ZNF233: variants seen among roughly 807,000 people sequenced by gnomAD.
The protein encoded by ZNF233 is zinc finger protein 233.
ZNF233 carries 7 observed loss-of-function variants against 11.6 expected under a neutral mutation model. That is an observed-to-expected ratio of 0.60 (90% confidence interval 0.34 to 1.13). The LOEUF is 1.13. ZNF233 is among the 50% of genes most tolerant of loss of function. The probability of loss-of-function intolerance (pLI) is 0.03; values close to 1 mark genes in which losing one functional copy is unlikely to be tolerated. For synonymous variants in ZNF233, 226 were observed against 268.5 expected (o/e 0.84, Z 1.55); for missense variants, 711 against 785.5 (o/e 0.91, Z 1.13).
In ZNF233 at chr19:44,266,291, A is replaced by G; in HGVS notation, c.109A>G (p.Met37Val). The change falls in exon 3 of 5, where the codon ATG becomes GTG. Residue 37 changes from methionine (M) to valine (V), a missense_variant. By Grantham distance (21) the Met-to-Val change is conservative. Coordinates refer to ENST00000683810, the MANE Select transcript of ZNF233 (RefSeq NM_001207005.2). ...LAQRKLYQDV[M>V]LENFRNLLSV... The stretch of plus-strand genomic sequence containing the variant: ...CCAGAGAAAGCTGTACCAAGATGTG[A>G]TGCTGGAGAACTTCAGGAACCTGCT... 6.2e-7 allele frequency: 1 copy of G among 1,609,894 alleles called. No individual in the cohort carries two copies. The highest frequency in any genetic ancestry group is 8.5e-7 in the Non-Finnish European group (1 of 1,177,794).
Position 44,273,746 on chromosome 19 carries a change from T to C in ZNF233, c.1086T>C (p.Leu362=). The C allele has an allele frequency of 6.2e-7, 1 of 1,614,172 alleles. No homozygotes were observed. The highest frequency in any genetic ancestry group is 2.2e-5 in the East Asian group (1 of 44,880). Residue 362 remains leucine, a synonymous_variant, in exon 5 of 5, where the codon CTT becomes CTC. Coordinates refer to ENST00000683810, the MANE Select transcript of ZNF233 (RefSeq NM_001207005.2). ...ACTCCTGTCTTCCCTCTCATGAGCT[T>C]ACTCACCCAGGAGAGAAGTTGTGTA... The part of the protein sequence containing the change: ...NQNSCLPSHE[L]THPGEKLCTC...
In ZNF233 at chr19:44,274,446, G is replaced by C; in HGVS notation, c.1786G>C (p.Glu596Gln). Residue 596 changes from glutamate to glutamine, a missense_variant, in exon 5 of 5, where the codon GAA becomes CAA. By Grantham distance (29) the Glu-to-Gln change is conservative (BLOSUM62 2). Transcript: ENST00000683810. ...HTGEKPYKCE[E>Q]CRKGFIWNSY... Reference sequence around the variant, plus strand: ...AGGAGAGAAACCATACAAATGTGAAGAATGTAGGAAAGGCTTCATCTGGAA... The same window carrying C: ...AGGAGAGAAACCATACAAATGTGAACAATGTAGGAAAGGCTTCATCTGGAA... The C allele has an allele frequency of 6.2e-7, 1 of 1,614,118 alleles. No individual in the cohort carries two copies. The highest frequency in any genetic ancestry group is 8.5e-7 in the Non-Finnish European group (1 of 1,180,012).
At chr19:44,272,604 A>G (rs1410204496) in intron 4 of ZNF233, among the ~76,000 whole-genome samples, 1 of 151,928 alleles carries the variant, frequency 6.6e-6, no homozygotes, top group East Asian at 1.9e-4. Context: ...GCATGGTGGC[A>G]GGCGCCTGTA....
chr19:44,270,057 C>T (rs1449105090), intron 4 of ZNF233, among the ~76,000 whole-genome samples: 4 of 152,122 alleles, frequency 2.6e-5, no homozygotes, highest in African/African-American at 9.7e-5. Context: ...TCACTGTCTT[C>T]ACTTCTCATT....
At chr19:44,265,159 CCT>C (rs1385355779) in intron 2 of ZNF233, among the ~76,000 whole-genome samples, 1 of 151,994 alleles carries the variant, frequency 6.6e-6, no homozygotes, top group Non-Finnish European at 1.5e-5. Flanking sequence ...ACCCTTTCCC[CCT>C]GAGGCCCTAA....
At chr19:44,264,518 C>A in intron 2 of ZNF233, 143 bp downstream of exon 2, 1 of 720,252 alleles carries the variant, frequency 1.4e-6, no homozygotes, top group Non-Finnish European at 2.2e-6. Context: ...TCGATTGGTT[C>A]AATTTTTTGT....
chr19:44,265,782 T>C (rs140922197), intron 2 of ZNF233, among the ~76,000 whole-genome samples: 93 of 152,314 alleles, frequency 6.1e-4, no homozygotes, highest in African/African-American at 2.0e-3. Flanking sequence ...ATTTTTGCAA[T>C]TGCAAATTGT....
intron 2 of ZNF233, 181 bp from the exon 3 acceptor site, chr19:44,266,016 TG>T: frequency 2.2e-6 from 1 of 455,180 alleles, no homozygotes; most frequent in Non-Finnish European, 3.7e-6. Context: ...GATGTGACTG[TG>T]GAAAAGTAGT....
At chr19:44,266,821 A>T in intron 3 of ZNF233, 45 bp from the exon 4 acceptor site, 1 of 1,445,350 alleles carries the variant, frequency 6.9e-7, no homozygotes, top group Non-Finnish European at 9.6e-7. Context: ...AAAATTTTTG[A>T]CTATAATGCA....
rs149734187 is a variant in ZNF233 at position 44,271,573 on chromosome 19, G to A, written c.239-1326G>A. 9.7e-3 allele frequency among the ~76,000 whole-genome samples: 1,464 copies of A among 151,514 alleles called. 30 individuals carry two copies. Among genetic ancestry groups the A allele is most frequent in the African/African-American group, 0.034 (1,398 of 41,274 alleles). ...AGCCCAGGCTTGAGTGCAGTGGCAC[G>A]ATCTCCGCTCACTGCAAGCTCTGCC... is the stretch of plus-strand genomic sequence containing the variant. On this transcript the variant is annotated intron_variant, in intron 4 of 4. Transcript: ENST00000683810.
In ZNF233 at chr19:44,264,341, C is replaced by T. The variant is rs1246061898; in HGVS notation, c.-20C>T. On this transcript the variant is annotated 5_prime_UTR_variant, in exon 2 of 5. Transcript: ENST00000683810. Reference sequence around the variant, plus strand: ...CTGCCTTCCCAGGACCCTGCCCTTCCCCAGAAGGAGCAGGAGAAAATGACC... The same window carrying T: ...CTGCCTTCCCAGGACCCTGCCCTTCTCCAGAAGGAGCAGGAGAAAATGACC... The T allele has an allele frequency of 1.9e-6, 3 of 1,613,362 alleles. No individual in the cohort carries two copies. Among genetic ancestry groups the T allele is most frequent in the Admixed American group, 3.3e-5 (2 of 59,908 alleles).
Position 44,273,782 on chromosome 19 carries a change from G to C in ZNF233, c.1122G>C (p.Arg374Ser). The C allele has an allele frequency of 3.1e-6, 5 of 1,614,200 alleles. No homozygotes were observed. The highest frequency in any genetic ancestry group is 4.2e-6 in the Non-Finnish European group (5 of 1,180,030). The change falls in exon 5 of 5, where the codon AGG becomes AGC. Residue 374 changes from arginine (R) to serine (S), a missense_variant. Coordinates refer to ENST00000683810, the MANE Select transcript of ZNF233 (RefSeq NM_001207005.2). ...GAGAGAAGTTGTGTACATGTGGCAG[G>C]TGTGGGAAGGGCTTCCATCATAGCT... ...HPGEKLCTCG[R>S]CGKGFHHSLD... is the part of the protein sequence containing the mutation.
In ZNF233 at chr19:44,274,622, T is replaced by C. The variant is rs750697604; in HGVS notation, c.1962T>C (p.Gly654=). ...AACCATACAAATGTTTTGTGTGTGGTAAGGGCTTTAGTAAGAGTTCGTTGT... is the reference window on the plus strand; with the variant it reads ...AACCATACAAATGTTTTGTGTGTGGCAAGGGCTTTAGTAAGAGTTCGTTGT... ...GEKPYKCFVC[G]KGFSKSSLSS... The change falls in exon 5 of 5, where the codon GGT becomes GGC. Residue 654 remains glycine, a synonymous_variant. Transcript: ENST00000683810. 18 of 1,602,376 alleles carry C rather than the reference T, an allele frequency of 1.1e-5. No homozygotes were observed. The highest frequency in any genetic ancestry group is 1.7e-4 in the Middle Eastern group (1 of 6,052).
chr19:44,266,366 G>C (rs1975085070), intron 3 of ZNF233, 42 bp downstream of exon 3: 3 of 1,513,856 alleles, frequency 2.0e-6, no homozygotes, highest in Non-Finnish European at 2.7e-6. Context: ...CAGCCCTCTG[G>C]ACTGTCCTGC....
chr19:44,263,597 A>G (rs1974991697), intron 1 of ZNF233, among the ~76,000 whole-genome samples: 1 of 152,238 alleles, frequency 6.6e-6, no homozygotes, highest in Admixed American at 6.5e-5. Context: ...CTACATGAAG[A>G]AAATTCATAA....
At position 44,265,366 on chromosome 19, in the gene ZNF233, TACACACACACACACAC is replaced by T. The variant is rs67044027; in HGVS notation, c.16-803_16-788del. 5.7e-4 allele frequency among the ~76,000 whole-genome samples: 76 copies of T among 133,192 alleles called. No individual in the cohort carries two copies. The Middle Eastern group carries it at 0.015, about 26-fold the overall frequency. The allele number at this position is 133,192 out of a possible 152,430, so 87.4% of individuals were successfully genotyped here. ...TGAGTAGTATTCCATCATATATATATACACACACACACACACACACACACACACACACACACACACA... is the reference window on the plus strand; with the variant it reads ...TGAGTAGTATTCCATCATATATATATACACACACACACACACACACACACA... On this transcript the variant is annotated intron_variant, in intron 2 of 4. Transcript: ENST00000683810.
rs771196572 is a variant in ZNF233 at position 44,273,995 on chromosome 19, T to G, written c.1335T>G (p.Val445=). The stretch of plus-strand genomic sequence containing the variant: ...GGAATTCTGGTCTTCACCAGAGAGT[T>G]CACACTGGAGAGAAACCATATAAAT... The part of the protein sequence containing the change: ...FNRNSGLHQR[V]HTGEKPYKCE... The change falls in exon 5 of 5, where the codon GTT becomes GTG. Residue 445 remains valine (V), a synonymous_variant. Transcript: ENST00000683810. 6.8e-6 allele frequency: 11 copies of G among 1,613,408 alleles called. No individual in the cohort carries two copies. The highest frequency in any genetic ancestry group is 8.5e-6 in the Non-Finnish European group (10 of 1,179,670).
rs1360326113 is a variant in ZNF233, at chr19:44,274,115, TG to T, written c.1456del (p.Asp486IlefsTer220). ...AGAAACCCTACAAATGTGATGTGTG[TG>T]ATAAGAACTTCAGCCGTAATTCCCA... ...GEKPYKCDVCDKNFSRNSHLQ... is the reference protein window; with the variant it reads ...GEKPYKCDVCXKNFSRNSHLQ... On this transcript the variant is annotated frameshift_variant, in exon 5 of 5. Coordinates refer to ENST00000683810, the MANE Select transcript of ZNF233 (RefSeq NM_001207005.2). LOFTEE classifies it low-confidence loss of function (END_TRUNC). 6.2e-7 allele frequency: 1 copy of T among 1,613,828 alleles called. No individual in the cohort carries two copies. Among genetic ancestry groups the T allele is most frequent in the Non-Finnish European group, 8.5e-7 (1 of 1,179,998 alleles).
intron 2 of ZNF233, among the ~76,000 whole-genome samples, chr19:44,265,366 T>TACACACACAC (rs67044027): frequency 7.5e-5 from 10 of 133,136 alleles, no homozygotes; most frequent in Non-Finnish European, 1.2e-4. Flanking sequence ...CATATATATA[T>TACACACACAC]ACACACACAC....
Sources: allele counts gnomAD v4.1 joint callset (sites outside exome capture counted in the v4.1 genomes callset), GRCh38; gene constraint gnomAD v4.1.1; transcripts MANE v1.5; gene names NCBI Gene and HGNC (gene_info 2026-07-23, HGNC 2026-07-21).